ICA1L: variants seen among roughly 807,000 people sequenced by gnomAD.
The protein encoded by ICA1L is islet cell autoantigen 1-like protein.
ICA1L carries 50 observed loss-of-function variants against 61.3 expected under a neutral mutation model. The observed-to-expected ratio is 0.82, with a 90% confidence interval of 0.65 to 1.03. ICA1L has a LOEUF of 1.03. Among genes scored for constraint, ICA1L ranks in the 50% least tolerant of loss-of-function variants. The pLI is 0.00. For missense variants in ICA1L, 508 were observed against 556.7 expected (o/e 0.91, Z 0.88); for synonymous variants, 161 against 191.3 (o/e 0.84, Z 1.31).
At chr2:202,841,661 C>T in intron 1 of ICA1L, 1 of 576,124 alleles carries the variant, frequency 1.7e-6, no homozygotes, top group Non-Finnish European at 3.3e-6. Context: ...TCGGGAGAAG[C>T]TCAAGGAGCT....
intron 1 of ICA1L, chr2:202,841,224 C>A (rs1694319983): frequency 1.4e-6 from 1 of 709,014 alleles, no homozygotes; most frequent in Non-Finnish European, 2.6e-6. Flanking sequence ...CATCTCTGTA[C>A]GTTTGTTGAT....
chr2:202,854,962 G>A (rs112095901), intron 1 of ICA1L, among the ~76,000 whole-genome samples: 1 of 151,972 alleles, frequency 6.6e-6, no homozygotes, highest in Non-Finnish European at 1.5e-5. Context: ...GGAGGCAGAG[G>A]TCTCAAAAAA....
intron 1 of ICA1L, chr2:202,841,079 C>T (rs1694316889): frequency 1.6e-6 from 1 of 636,776 alleles, no homozygotes; most frequent in African/African-American, 1.8e-5. Flanking sequence ...GGGACTGCAG[C>T]TTCTGGATCT....
Position 202,774,613 on chromosome 2 carries a change from G to C in ICA1L, c.*4920C>G, listed in dbSNP as rs1692162191. 3.7e-6 allele frequency: 1 copy of C among 272,938 alleles called. No individual in the cohort carries two copies. The highest frequency in any genetic ancestry group is 6.8e-6 in the Non-Finnish European group (1 of 147,312). The allele number at this position is 272,938 out of a possible 1,614,324, so 16.9% of individuals were successfully genotyped here. ...CTGCATGCTGAGAGGGGGTCACATG[G>C]GAGGGGGCTCAGCCAAGCAGGTGGG... On this transcript the variant is annotated 3_prime_UTR_variant, in exon 13 of 13. Transcript: ENST00000358299.
At chr2:202,859,022 G>C (rs1275945687) in intron 1 of ICA1L, among the ~76,000 whole-genome samples, 1 of 152,018 alleles carries the variant, frequency 6.6e-6, no homozygotes, top group Non-Finnish European at 1.5e-5. Flanking sequence ...TTCATCAACC[G>C]CCCATTAATT....
At position 202,779,561 on chromosome 2, in the gene ICA1L, T is replaced by A. The variant is rs1250140647; in HGVS notation, c.1421A>T (p.His474Leu). ...DPLSNPDAIG[H>L]SDDELLNA ...AGCATTAAGAAGTTCATCATCTGAG[T>A]GTCCAATAGCATCTGGGTTTGAAAG... The change falls in exon 13 of 13, where the codon CAC becomes CTC. Residue 474 changes from histidine (H) to leucine (L), a missense_variant. Transcript: ENST00000358299. 6.2e-7 allele frequency: 1 copy of A among 1,610,444 alleles called. No homozygotes were observed.
chr2:202,793,557 A>G (rs560795717), intron 10 of ICA1L, among the ~76,000 whole-genome samples: 12 of 148,732 alleles, frequency 8.1e-5, no homozygotes, highest in African/African-American at 2.7e-4. Flanking sequence ...AGGTGCATGT[A>G]ATCCCAGCTA....
chr2:202,799,878 C>CT (rs768203103), intron 9 of ICA1L, among the ~76,000 whole-genome samples: 5,200 of 133,914 alleles, frequency 0.039, 151 homozygotes, highest in Middle Eastern at 0.072. Context: ...CTGCTTTATA[C>CT]TTTTTTTTTT....
chr2:202,854,253 T>TCA (rs1439668485), intron 1 of ICA1L, among the ~76,000 whole-genome samples: 25 of 149,242 alleles, frequency 1.7e-4, no homozygotes, highest in African/African-American at 6.1e-4. Context: ...TACTCTCTGA[T>TCA]AAAACAGACT....
chr2:202,834,260 G>T (rs1001159500), intron 1 of ICA1L, among the ~76,000 whole-genome samples: 1 of 152,062 alleles, frequency 6.6e-6, no homozygotes, highest in Non-Finnish European at 1.5e-5. Context: ...AGAATGGAAG[G>T]ACTGTAATTG....
intron 9 of ICA1L, among the ~76,000 whole-genome samples, chr2:202,811,413 G>C (rs1480553122): frequency 6.6e-6 from 1 of 152,042 alleles, no homozygotes; most frequent in Non-Finnish European, 1.5e-5. Context: ...CCAGCAGTTT[G>C]AGAGGCCGAG....
intron 5 of ICA1L, among the ~76,000 whole-genome samples, chr2:202,817,755 A>C (rs1693579333): frequency 6.6e-6 from 1 of 152,214 alleles, no homozygotes; most frequent in Non-Finnish European, 1.5e-5. Context: ...TTTCCAGAAG[A>C]TATCTTTATG....
rs11274512 is a variant in ICA1L at position 202,847,703 on chromosome 2, A to ATATATATATATG, written c.-7-18688_-7-18687insCATATATATATA. On this transcript the variant is annotated intron_variant, in intron 1 of 12. Transcript: ENST00000358299. ...GAAATATTATATGGGAATTATATAT[A>ATATATATATATG]TATATAGTTAAGCAGTGAGAACAAA... Among the ~76,000 whole-genome samples, 8 of 131,234 alleles carry ATATATATATATG rather than the reference A, an allele frequency of 6.1e-5. 2 individuals carry two copies. The highest frequency in any genetic ancestry group is 2.3e-4 in the African/African-American group (8 of 34,894). 86.1% of individuals were successfully genotyped at this position (131,234 alleles called of 152,430 possible). A position where few individuals can be genotyped will look rare whatever the true frequency, so the allele number is the denominator to read the frequency against.
chr2:202,819,121 G>A (rs1693627138), intron 5 of ICA1L, among the ~76,000 whole-genome samples: 1 of 152,136 alleles, frequency 6.6e-6, no homozygotes, highest in African/African-American at 2.4e-5. Context: ...GGCTCCATCA[G>A]TATTAAATAT....
intron 1 of ICA1L, among the ~76,000 whole-genome samples, chr2:202,857,599 G>T (rs1694801158): frequency 6.6e-6 from 1 of 152,036 alleles, no homozygotes; most frequent in Non-Finnish European, 1.5e-5. Context: ...CAAAAGCAAT[G>T]GCAACAGAAG....
chr2:202,821,524 A>G (rs1693702309), intron 3 of ICA1L, 43 bp from the exon 4 acceptor site: 29 of 1,475,408 alleles, frequency 2.0e-5, no homozygotes, highest in Non-Finnish European at 2.5e-5. Flanking sequence ...TCCTTTCATC[A>G]TTTGTTTAAA....
At chr2:202,821,639 T>C (rs991751818) in intron 3 of ICA1L, 158 bp from the exon 4 acceptor site, 2 of 508,030 alleles carry the variant, frequency 3.9e-6, no homozygotes, top group Non-Finnish European at 6.7e-6. Context: ...CTGGGCTCCA[T>C]TTCCAGAGAC....
rs1039340261 is a variant in ICA1L at position 202,833,300 on chromosome 2, G to A, written c.-7-4284C>T. Among the ~76,000 whole-genome samples, 5 of 152,332 alleles carry A rather than the reference G, an allele frequency of 3.3e-5. 1 individual carries two copies. In the South Asian group the frequency reaches 1.0e-3, roughly 32 times the overall value. ...AACTGTCCTTTTAAAAATGAAAGTA[G>A]TGGGAGCACAGTGGCTCAGGCCTGT... On this transcript the variant is annotated intron_variant, in intron 1 of 12. Transcript: ENST00000358299.
intron 9 of ICA1L, among the ~76,000 whole-genome samples, chr2:202,801,467 G>A (rs1693084942): frequency 6.6e-6 from 1 of 152,178 alleles, no homozygotes; most frequent in Non-Finnish European, 1.5e-5. Flanking sequence ...GAGCATAAAT[G>A]TTTGAGGGCA....
Sources: gnomAD v4.1 joint callset for allele counts (sites outside exome capture counted in the v4.1 genomes callset) on GRCh38, gnomAD v4.1.1 for gene constraint, MANE v1.5 for transcripts, NCBI Gene and HGNC (gene_info 2026-07-23, HGNC 2026-07-21) for gene names.